Variants in DAB2 observed in about 807,000 individuals in gnomAD.
The protein encoded by DAB2 is disabled homolog 2.
DAB2 carries 28 observed loss-of-function variants against 71.6 expected under a neutral mutation model. The ratio of observed to expected loss-of-function variants is 0.39; its 90% CI spans 0.29 to 0.54. DAB2 has a LOEUF of 0.54. Among genes scored for constraint, DAB2 ranks in the 20% least tolerant of loss-of-function variants. The probability of loss-of-function intolerance (pLI) is 0.68; values close to 1 mark genes in which losing one functional copy is unlikely to be tolerated. For synonymous variants in DAB2, 345 were observed against 339.7 expected, an observed-to-expected ratio of 1.02 and a Z score of -0.17; for missense variants, 867 against 928.8, an observed-to-expected ratio of 0.93 and a Z score of 0.86.
At chr5:39,397,725 C>T (rs944239090) in intron 1 of DAB2, among the ~76,000 whole-genome samples, 8 of 152,078 alleles carry the variant, frequency 5.3e-5, no homozygotes, top group Non-Finnish European at 8.8e-5. Flanking sequence ...TAAGGGTACC[C>T]TAAATGTGGC....
chr5:39,421,823 G>A (rs1561383315), intron 1 of DAB2, among the ~76,000 whole-genome samples: 2 of 151,758 alleles, frequency 1.3e-5, no homozygotes, highest in African/African-American at 2.4e-5. Context: ...TTGGGAGGCC[G>A]AGGTGGGTGG....
rs1756010982 is a variant in DAB2, at chr5:39,422,377, C to T, written c.-102+2427G>A. Among the ~76,000 whole-genome samples, 7 of 152,096 alleles carry T rather than the reference C, an allele frequency of 4.6e-5. No individual in the cohort carries two copies. The highest frequency in any genetic ancestry group is 4.6e-4 in the Admixed American group (7 of 15,268). ...ATGAGCATTAGGACAACTTCAAACC[C>T]CAGGAGGGCTCACTCTCAGCAGCTT... On this transcript the variant is annotated intron_variant, in intron 1 of 14. Transcript: ENST00000320816. This position sits in a 1 kb window ranked among gnomAD's most constrained non-coding sequence, Gnocchi z 4.1.
chr5:39,409,052 C>T (rs1244337017), intron 1 of DAB2, among the ~76,000 whole-genome samples: 5 of 151,710 alleles, frequency 3.3e-5, no homozygotes, highest in African/African-American at 4.8e-5. Context: ...TATAATAATA[C>T]CACATGAGTC....
At chr5:39,395,147 A>G (rs1755329210) in intron 1 of DAB2, among the ~76,000 whole-genome samples, 1 of 152,198 alleles carries the variant, frequency 6.6e-6, no homozygotes. Flanking sequence ...TCATAGTAGG[A>G]GAAACAGGAA....
At chr5:39,381,384 C>A in intron 11 of DAB2, 70 bp downstream of exon 11, 1 of 1,500,290 alleles carries the variant, frequency 6.7e-7, no homozygotes, top group South Asian at 1.2e-5. Flanking sequence ...TATGAAATCT[C>A]TTCCGATGCA....
chr5:39,395,818 G>A (rs537307498), intron 1 of DAB2, among the ~76,000 whole-genome samples: 2 of 152,036 alleles, frequency 1.3e-5, no homozygotes, highest in South Asian at 4.2e-4. Context: ...TCAGGACTTA[G>A]GTGGGAACCA....
intron 14 of DAB2, 71 bp from the exon 15 acceptor site, chr5:39,373,496 C>G (rs1315632080): frequency 6.6e-6 from 1 of 152,262 alleles, no homozygotes; most frequent in Non-Finnish European, 1.5e-5. Flanking sequence ...TATTAAATAT[C>G]AAGTCATTAT....
intron 1 of DAB2, among the ~76,000 whole-genome samples, chr5:39,401,093 T>G (rs2548168): frequency 0.98 from 148,574 of 152,312 alleles, 72,870 homozygotes; most frequent in Non-Finnish European, 1. Flanking sequence ...TTAACTGCTT[T>G]TTTGGATTCT....
chr5:39,419,831 T>G (rs980552721), intron 1 of DAB2, among the ~76,000 whole-genome samples: 1 of 152,212 alleles, frequency 6.6e-6, no homozygotes, highest in African/African-American at 2.4e-5. Flanking sequence ...AAAGTCATAC[T>G]TGGTATATGG....
intron 1 of DAB2, among the ~76,000 whole-genome samples, chr5:39,405,153 A>G (rs1046912125): frequency 2.0e-5 from 3 of 152,210 alleles, no homozygotes; most frequent in African/African-American, 7.2e-5. Flanking sequence ...TTGATTCTAG[A>G]ATCCCTCTTT....
intron 1 of DAB2, among the ~76,000 whole-genome samples, chr5:39,413,648 A>C (rs546973684): frequency 6.6e-6 from 1 of 152,220 alleles, no homozygotes; most frequent in African/African-American, 2.4e-5. Context: ...AACTGTTGAA[A>C]GTCTGGAAAG....
At chr5:39,388,749 C>T in intron 8 of DAB2, 50 bp downstream of exon 8, 1 of 1,456,328 alleles carries the variant, frequency 6.9e-7, no homozygotes, top group Non-Finnish European at 9.6e-7. Context: ...GGAAGTAGAA[C>T]CCATGTTCAG....
intron 1 of DAB2, among the ~76,000 whole-genome samples, chr5:39,407,244 G>A (rs1220040456): frequency 2.0e-5 from 3 of 152,118 alleles, no homozygotes; most frequent in African/African-American, 4.8e-5. Flanking sequence ...GTTTGTGACG[G>A]AGTCTCGCTC....
chr5:39,405,931 A>G (rs896707038), intron 1 of DAB2, among the ~76,000 whole-genome samples: 1 of 152,184 alleles, frequency 6.6e-6, no homozygotes, highest in Non-Finnish European at 1.5e-5. Flanking sequence ...GATTCCCATT[A>G]CTTCTGAGGA....
rs5867464 is a variant in DAB2, at chr5:39,410,806, T to TAA, written c.-102+13996_-102+13997dup. Among the ~76,000 whole-genome samples the TAA allele has an allele frequency of 9.3e-4, 139 of 149,848 alleles. 1 individual carries two copies. Among genetic ancestry groups the TAA allele is most frequent in the East Asian group, 2.1e-3 (11 of 5,124 alleles). ...AGATTACTGTATTGTCTAACCTGCT[T>TAA]AAAAAAAAAACTATGAATTATATTG... On this transcript the variant is annotated intron_variant, in intron 1 of 14. Coordinates refer to ENST00000320816, the MANE Select transcript of DAB2 (RefSeq NM_001343.4).
chr5:39,394,375 C>A lies in DAB2; in HGVS notation c.-55G>T, dbSNP rs1029260226. 8 of 1,321,954 alleles carry A rather than the reference C, an allele frequency of 6.1e-6. No homozygotes were observed. Among genetic ancestry groups the A allele is most frequent in the African/African-American group, 1.4e-5 (1 of 69,210 alleles). 81.9% of individuals were successfully genotyped at this position (1,321,954 alleles called of 1,614,324 possible). A position where few individuals can be genotyped will look rare whatever the true frequency, so the allele number is the denominator to read the frequency against. On this transcript the variant is annotated 5_prime_UTR_variant, in exon 2 of 15. Coordinates refer to ENST00000320816, the MANE Select transcript of DAB2 (RefSeq NM_001343.4). Reference sequence around the variant, plus strand: ...CCAGTGGACACTTGGTGACACCAGGCGATCCCGATGGAGAAGTCTCAAATA... The same window carrying A: ...CCAGTGGACACTTGGTGACACCAGGAGATCCCGATGGAGAAGTCTCAAATA...
intron 12 of DAB2, 33 bp from the exon 13 acceptor site, chr5:39,376,139 C>T (rs1471006996): frequency 6.4e-7 from 1 of 1,552,068 alleles, no homozygotes; most frequent in Non-Finnish European, 8.9e-7. Flanking sequence ...AATCAGTAGA[C>T]AAGCTTTCCC....
At chr5:39,420,562 T>C (rs1402098426) in intron 1 of DAB2, among the ~76,000 whole-genome samples, 2 of 152,200 alleles carry the variant, frequency 1.3e-5, no homozygotes, top group East Asian at 1.9e-4. Flanking sequence ...AAAAATCACT[T>C]GCCCCTAGCT....
In DAB2 at chr5:39,374,875, G is replaced by A. The variant is rs56018550; in HGVS notation, c.*5+139C>T. 4.6e-6 allele frequency: 3 copies of A among 659,128 alleles called. No homozygotes were observed. The East Asian group carries it at 8.3e-5, about 18-fold the overall frequency. The allele number at this position is 659,128 out of a possible 1,614,324, so 40.8% of individuals were successfully genotyped here. ...TAGTCATTATTGAATGATCTCAGTA[G>A]AGATTTTCCTGTCGATTACTCCTAA... On this transcript the variant is annotated intron_variant, in intron 14 of 14. Coordinates refer to ENST00000320816, the MANE Select transcript of DAB2 (RefSeq NM_001343.4).
Sources: allele counts gnomAD v4.1 joint callset (sites outside exome capture counted in the v4.1 genomes callset), GRCh38; gene constraint gnomAD v4.1.1; non-coding constraint Gnocchi (gnomAD v3.1); transcripts MANE v1.5; gene names NCBI Gene and HGNC (gene_info 2026-07-23, HGNC 2026-07-21).